SHANK2: variants seen among roughly 807,000 people sequenced by gnomAD.
SHANK2 encodes the protein SH3 and multiple ankyrin repeat domains 2, also known as SH3 and multiple ankyrin repeat domains protein 2.
In SHANK2, 43 loss-of-function variants were observed where a neutral mutation model predicts 133.7. The observed-to-expected ratio is 0.32, with a 90% CI of 0.25 to 0.41. The LOEUF is 0.41. Ranked by LOEUF, SHANK2 falls within the 10% of genes least tolerant of loss-of-function variation. The pLI is 1.00. For synonymous variants in SHANK2, 1,017 were observed against 952.8 expected (o/e 1.07, Z -1.24); for missense variants, 1,994 against 2,235.8 (o/e 0.89, Z 2.18).
At chr11:70,904,860 C>T (rs979034463) in intron 10 of SHANK2, among the ~76,000 whole-genome samples, 4 of 152,214 alleles carry the variant, frequency 2.6e-5, no homozygotes, top group Admixed American at 6.5e-5. Context: ...TCTTTGCCTG[C>T]CGCCATCCAT....
chr11:70,805,665 C>T (rs1948142002), intron 13 of SHANK2, among the ~76,000 whole-genome samples: 1 of 152,040 alleles, frequency 6.6e-6, no homozygotes, highest in Non-Finnish European at 1.5e-5. Flanking sequence ...AAAAACAAAA[C>T]AAAAAACTAA....
At chr11:71,106,652 C>G (rs1951805984) in intron 6 of SHANK2, among the ~76,000 whole-genome samples, 1 of 152,210 alleles carries the variant, frequency 6.6e-6, no homozygotes, top group East Asian at 1.9e-4. Context: ...CCGGCCTAAT[C>G]CAGAATTCCA....
At chr11:70,687,224 A>T (rs368546028) in intron 15 of SHANK2, among the ~76,000 whole-genome samples, 2 of 152,246 alleles carry the variant, frequency 1.3e-5, no homozygotes, top group East Asian at 3.9e-4. Context: ...CCGTGCAGGA[A>T]GGTGATGTCA....
chr11:70,617,921 T>C (rs2060774661), intron 17 of SHANK2, among the ~76,000 whole-genome samples: 1 of 152,038 alleles, frequency 6.6e-6, no homozygotes, highest in African/African-American at 2.4e-5. Context: ...CACACCAACA[T>C]GGCACATGGA....
At position 70,644,868 on chromosome 11, in the gene SHANK2, C is replaced by G. The variant is rs1464000663; in HGVS notation, c.2061+14960G>C. ...GACAAACACGTGGAGAAGAAGGTGA[C>G]TGCCTTTAAGATGACCCCAGCCTGG... is the stretch of plus-strand genomic sequence containing the variant. On this transcript the variant is annotated intron_variant, in intron 17 of 25. Transcript: ENST00000601538. 2.2e-4 allele frequency among the ~76,000 whole-genome samples: 34 copies of G among 152,194 alleles called. 1 individual carries two copies. Among genetic ancestry groups the G allele is most frequent in the Admixed American group, 2.2e-3 (34 of 15,280 alleles).
At chr11:71,153,976 TAAAC>T (rs1555108583) in intron 2 of SHANK2, among the ~76,000 whole-genome samples, 2 of 151,788 alleles carry the variant, frequency 1.3e-5, no homozygotes, top group Non-Finnish European at 2.9e-5. Flanking sequence ...TCTCAAAAAA[TAAAC>T]AACAACAACA....
chr11:71,092,687 G>T, intron 7 of SHANK2, 98 bp from the exon 8 acceptor site: 1 of 1,236,652 alleles, frequency 8.1e-7, no homozygotes, highest in Non-Finnish European at 1.1e-6. Flanking sequence ...CCCTCCCCCA[G>T]GTCAAGGCAA....
intron 4 of SHANK2, 92 bp from the exon 5 acceptor site, chr11:71,113,456 C>T: frequency 2.5e-6 from 3 of 1,183,366 alleles, no homozygotes; most frequent in Non-Finnish European, 3.7e-6. Context: ...GGCTATGTCA[C>T]AGAAGACGGG....
intron 1 of SHANK2, among the ~76,000 whole-genome samples, chr11:71,244,905 T>C (rs1231135655): frequency 6.6e-6 from 1 of 152,154 alleles, no homozygotes; most frequent in Non-Finnish European, 1.5e-5. Context: ...GGTTTCACCA[T>C]TTTGGCCAGG....
chr11:70,821,617 G>T (rs1335924683), intron 11 of SHANK2, among the ~76,000 whole-genome samples: 9 of 152,058 alleles, frequency 5.9e-5, no homozygotes, highest in African/African-American at 2.2e-4. Flanking sequence ...TAGAGATGAG[G>T]TTTCACCATG....
chr11:71,208,560 C>T (rs1233906788), intron 2 of SHANK2, among the ~76,000 whole-genome samples: 2 of 151,202 alleles, frequency 1.3e-5, no homozygotes, highest in Non-Finnish European at 3.0e-5. Context: ...GTGGACATTA[C>T]AGGTGGGTAT....
chr11:71,151,211 T>C (rs185469299), intron 2 of SHANK2, among the ~76,000 whole-genome samples: 48 of 152,230 alleles, frequency 3.2e-4, no homozygotes, highest in Admixed American at 7.8e-4. Flanking sequence ...TAGTGTTTTA[T>C]AACTGGGGGG....
chr11:70,653,889 C>T (rs1397618245), intron 17 of SHANK2, among the ~76,000 whole-genome samples: 1 of 152,222 alleles, frequency 6.6e-6, no homozygotes, highest in African/African-American at 2.4e-5. Flanking sequence ...CTGCCTTGGC[C>T]TCCCAAAGTG....
chr11:70,508,698 C>T lies in SHANK2; in HGVS notation c.2062-5767G>A, dbSNP rs568820381. On this transcript the variant is annotated intron_variant, in intron 17 of 25. Coordinates refer to ENST00000601538, the MANE Select transcript of SHANK2 (RefSeq NM_012309.5). ...GCTCAAGCACAAGTTTCAGACCAGCCTGGGCAACATAGTGAGACCCCATTT... is the reference window on the plus strand; with the variant it reads ...GCTCAAGCACAAGTTTCAGACCAGCTTGGGCAACATAGTGAGACCCCATTT... 2.0e-5 allele frequency among the ~76,000 whole-genome samples: 3 copies of T among 152,284 alleles called. No homozygotes were observed. In the East Asian group the frequency reaches 5.8e-4, roughly 29 times the overall value.
chr11:71,081,712 A>G (rs912849912), intron 8 of SHANK2, among the ~76,000 whole-genome samples: 6 of 152,284 alleles, frequency 3.9e-5, no homozygotes, highest in Admixed American at 3.3e-4. Context: ...TTCCTTCTCC[A>G]AACAGAACCT....
chr11:70,599,031 G>T (rs1203971478), intron 17 of SHANK2, among the ~76,000 whole-genome samples: 6 of 147,980 alleles, frequency 4.1e-5, no homozygotes, highest in African/African-American at 1.2e-4. Context: ...CTTCTATTCA[G>T]CATTTTATTG....
intron 17 of SHANK2, among the ~76,000 whole-genome samples, chr11:70,536,497 C>T (rs1160290984): frequency 6.6e-6 from 1 of 152,048 alleles, no homozygotes; most frequent in African/African-American, 2.4e-5. Flanking sequence ...CTGGTGAACC[C>T]GAGAGGCAGA....
intron 11 of SHANK2, among the ~76,000 whole-genome samples, chr11:70,841,446 A>G (rs2135431347): frequency 6.6e-6 from 1 of 152,330 alleles, no homozygotes; most frequent in African/African-American, 2.4e-5. Context: ...GGTTCAGAGC[A>G]GGTCAGCAAC....
intron 15 of SHANK2, chr11:70,667,852 A>C (rs1555015167): frequency 6.6e-6 from 1 of 152,038 alleles, no homozygotes; most frequent in Non-Finnish European, 1.5e-5. Flanking sequence ...ATTGGGGTAG[A>C]CCAGATGGCT....
Sources: allele counts gnomAD v4.1 joint callset (sites outside exome capture counted in the v4.1 genomes callset), GRCh38; gene constraint gnomAD v4.1.1; transcripts MANE v1.5; gene names NCBI Gene and HGNC (gene_info 2026-07-23, HGNC 2026-07-21).